The following SAMD11 variants were observed in gnomAD, a reference collection of about 807,000 sequenced individuals.
SAMD11 encodes the protein sterile alpha motif domain-containing protein 11.
A neutral mutation model predicts 64.4 loss-of-function variants in SAMD11; 77 were observed. The ratio of observed to expected loss-of-function variants is 1.20; its 90% CI spans 0.99 to 1.44. SAMD11 has a LOEUF of 1.44. SAMD11 is among the 40% of genes most tolerant of loss of function. The pLI, the probability that SAMD11 is intolerant of heterozygous loss-of-function variation, is 0.00. For synonymous variants in SAMD11, 658 were observed against 421.9 expected (o/e 1.56, Z -6.86); for missense variants, 1,402 against 943.3 (o/e 1.49, Z -6.37).
chr1:930,235 C>T lies in SAMD11; in HGVS notation c.690C>T (p.Phe230=), dbSNP rs1641106936. The change falls in exon 3 of 14, where the codon TTC becomes TTT. Residue 230 remains phenylalanine, a synonymous_variant. Coordinates refer to ENST00000616016, the MANE Select transcript of SAMD11 (RefSeq NM_001385641.1). The stretch of plus-strand genomic sequence containing the variant: ...TGAAGAAGGAGCGAACTCCCAGCTT[C>T]TCTGCCAGCGATGGTGACAGCGACG... ...RNLKKERTPS[F]SASDGDSDGS... is the part of the protein sequence containing the mutation. 1 of 1,598,338 alleles carries T rather than the reference C, an allele frequency of 6.3e-7. No homozygotes were observed. Among genetic ancestry groups the T allele is most frequent in the East Asian group, 2.3e-5 (1 of 44,234 alleles).
intron 7 of SAMD11, chr1:940,406 C>G (rs983797455): frequency 6.6e-6 from 1 of 151,994 alleles, no homozygotes; most frequent in Non-Finnish European, 1.5e-5. Context: ...GCGGCCGCGC[C>G]GGCTGGGCTC....
chr1:931,990 T>C (rs111442183), intron 4 of SAMD11, among the ~76,000 whole-genome samples: 7,151 of 152,264 alleles, frequency 0.047, 560 homozygotes, highest in African/African-American at 0.16. Context: ...GCCAGCTTCC[T>C]GGGGCCAGAG....
chr1:927,998 G>T (rs890405525), intron 2 of SAMD11, among the ~76,000 whole-genome samples: 4 of 152,208 alleles, frequency 2.6e-5, no homozygotes, highest in African/African-American at 9.7e-5. Context: ...AGCCAGCCCT[G>T]GCCTCCTTCC....
At chr1:933,137 G>A (rs1641248404) in intron 4 of SAMD11, among the ~76,000 whole-genome samples, 1 of 152,340 alleles carries the variant, frequency 6.6e-6, no homozygotes, top group African/African-American at 2.4e-5. Context: ...TCCCTTGTGC[G>A]AAGCAGGGTG....
chr1:941,381 G>A (rs1641758265), intron 8 of SAMD11, 75 bp downstream of exon 8: 3 of 1,375,042 alleles, frequency 2.2e-6, no homozygotes, highest in East Asian at 2.5e-5. Context: ...CCACCAGCAC[G>A]CGCCCCGAGA....
chr1:944,170 G>C lies in SAMD11; in HGVS notation c.*17G>C. On this transcript the variant is annotated 3_prime_UTR_variant, in exon 14 of 14. Coordinates refer to ENST00000616016, the MANE Select transcript of SAMD11 (RefSeq NM_001385641.1). The stretch of plus-strand genomic sequence containing the variant: ...CTGTGTTGAGGTTGCCGGGGGTAGG[G>C]GTGGGGCCACACAAATCTCCAGGAG... The C allele has an allele frequency of 6.6e-7, 1 of 1,525,386 alleles. No individual in the cohort carries two copies. Among genetic ancestry groups the C allele is most frequent in the Non-Finnish European group, 8.8e-7 (1 of 1,136,146 alleles). 94.5% of individuals were successfully genotyped at this position (1,525,386 alleles called of 1,614,324 possible). A position where few individuals can be genotyped will look rare whatever the true frequency, so the allele number is the denominator to read the frequency against.
At chr1:936,136 GCCACCCCCTTTC>G (rs1262930423) in intron 5 of SAMD11, among the ~76,000 whole-genome samples, 1 of 152,232 alleles carries the variant, frequency 6.6e-6, no homozygotes, top group Non-Finnish European at 1.5e-5. Flanking sequence ...CCGGGGCCCT[GCCACCCCCTTTC>G]CACAGGGCAG....
rs752886261 is a variant in SAMD11 at position 925,973 on chromosome 1, C to T, written c.569C>T (p.Pro190Leu). Residue 190 changes from proline (P) to leucine (L), a missense_variant, in exon 2 of 14, where the codon CCG becomes CTG. Coordinates refer to ENST00000616016, the MANE Select transcript of SAMD11 (RefSeq NM_001385641.1). ...MSKGILQVHP[P>L]ICDCPGCRIS... ...AAGGGGATCCTGCAGGTGCATCCTC[C>T]GATCTGCGACTGCCCGGGCTGCCGA... is the stretch of plus-strand genomic sequence containing the variant. 5.0e-6 allele frequency: 8 copies of T among 1,612,088 alleles called. No individual in the cohort carries two copies. Among genetic ancestry groups the T allele is most frequent in the Non-Finnish European group, 3.4e-6 (4 of 1,179,964 alleles).
In SAMD11 at chr1:943,912, C is replaced by T. The variant is rs1017929537; in HGVS notation, c.2294C>T (p.Ala765Val). Residue 765 changes from alanine (A) to valine (V), a missense_variant, in exon 14 of 14, where the codon GCC becomes GTC. Physicochemically the swap from Ala to Val is moderately conservative, Grantham distance 64. Transcript: ENST00000616016. ...CACCAGGCCATCTCTCTGCAGGTGGCCAGGCGCCTGGGCCGAGTTTTCTAC... is the reference window on the plus strand; with the variant it reads ...CACCAGGCCATCTCTCTGCAGGTGGTCAGGCGCCTGGGCCGAGTTTTCTAC... The part of the protein sequence containing the change: ...GPALKIRAQV[A>V]RRLGRVFYVA... 3.7e-6 allele frequency: 6 copies of T among 1,612,632 alleles called. No individual in the cohort carries two copies. Among genetic ancestry groups the T allele is most frequent in the Admixed American group, 1.7e-5 (1 of 60,004 alleles).
intron 5 of SAMD11, 106 bp downstream of exon 5, chr1:936,002 G>A (rs531697632): frequency 8.1e-7 from 1 of 1,239,932 alleles, no homozygotes; most frequent in South Asian, 1.4e-5. Flanking sequence ...AGAGAGGCAG[G>A]AGGAGCGGCC....
intron 5 of SAMD11, among the ~76,000 whole-genome samples, chr1:938,021 C>T (rs1475896655): frequency 2.6e-5 from 4 of 152,186 alleles, no homozygotes; most frequent in African/African-American, 9.7e-5. Context: ...GGGAGTGGCC[C>T]CTCACTCCAC....
In SAMD11 at chr1:926,001, A is replaced by G. The variant is rs1640865425; in HGVS notation, c.597A>G (p.Ile199Met). 1 of 1,611,780 alleles carries G rather than the reference A, an allele frequency of 6.2e-7. No homozygotes were observed. Among genetic ancestry groups the G allele is most frequent in the South Asian group, 1.1e-5 (1 of 91,090 alleles). The change falls in exon 2 of 14, where the codon ATA becomes ATG. Residue 199 changes from isoleucine (I) to methionine (M), a missense_variant. Ile to Met is a conservative substitution (Grantham distance 10). Coordinates refer to ENST00000616016, the MANE Select transcript of SAMD11 (RefSeq NM_001385641.1). ...TCTGCGACTGCCCGGGCTGCCGAATATCCTCCCCGGTGGTGAGATGCGGGG... is the reference window on the plus strand; with the variant it reads ...TCTGCGACTGCCCGGGCTGCCGAATGTCCTCCCCGGTGGTGAGATGCGGGG... ...PPICDCPGCR[I>M]SSPVNRGRLA...
At chr1:932,269 C>T (rs867624295) in intron 4 of SAMD11, among the ~76,000 whole-genome samples, 1 of 152,164 alleles carries the variant, frequency 6.6e-6, no homozygotes, top group Non-Finnish European at 1.5e-5. Flanking sequence ...GTCCCCCCGA[C>T]CCCGCTCCAG....
intron 5 of SAMD11, among the ~76,000 whole-genome samples, chr1:937,058 G>A (rs777747905): frequency 2.0e-5 from 3 of 152,134 alleles, no homozygotes; most frequent in African/African-American, 4.8e-5. Context: ...CGGGCTCACA[G>A]GCTCTACGGG....
intron 7 of SAMD11, 54 bp downstream of exon 7, chr1:939,466 G>A: frequency 1.3e-6 from 2 of 1,546,304 alleles, no homozygotes; most frequent in Non-Finnish European, 1.8e-6. Context: ...CCACGGTGAG[G>A]ACCCACCCTG....
intron 5 of SAMD11, among the ~76,000 whole-genome samples, chr1:938,081 G>C (rs1004926473): frequency 6.6e-6 from 1 of 152,028 alleles, no homozygotes; most frequent in African/African-American, 2.4e-5. Flanking sequence ...CGGAGGCACT[G>C]GCTGGCCTGG....
intron 4 of SAMD11, among the ~76,000 whole-genome samples, chr1:932,266 C>T (rs1002511613): frequency 8.5e-5 from 13 of 152,308 alleles, no homozygotes; most frequent in African/African-American, 3.1e-4. Context: ...GCGGTCCCCC[C>T]GACCCCGCTC....
At chr1:941,082 C>T (rs1641736189) in intron 7 of SAMD11, 62 bp from the exon 8 acceptor site, 8 of 1,452,818 alleles carry the variant, frequency 5.5e-6, no homozygotes, top group African/African-American at 1.4e-5. Context: ...TACGCCAGGA[C>T]GCGGGCTGGG....
At chr1:930,008 C>T in intron 2 of SAMD11, 147 bp from the exon 3 acceptor site, 1 of 950,930 alleles carries the variant, frequency 1.1e-6, no homozygotes, top group Non-Finnish European at 1.5e-6. Flanking sequence ...CTGAGGGCAC[C>T]TCTGCCGTGC....
Sources: allele counts gnomAD v4.1 joint callset (sites outside exome capture counted in the v4.1 genomes callset), GRCh38; gene constraint gnomAD v4.1.1; transcripts MANE v1.5; gene names NCBI Gene and HGNC (gene_info 2026-07-23, HGNC 2026-07-21).